Variants in PSD3 observed in about 807,000 individuals in gnomAD.
The protein encoded by PSD3 is PH and SEC7 domain-containing protein 3.
A neutral mutation model predicts 105.5 loss-of-function variants in PSD3; 49 were observed. The observed-to-expected ratio is 0.46, with a 90% CI of 0.37 to 0.59. The LOEUF is 0.59. Ranked by LOEUF, PSD3 falls within the 20% of genes least tolerant of loss-of-function variation. The pLI is 0.00. For missense variants in PSD3, 1,561 were observed against 1,263.8 expected, an observed-to-expected ratio of 1.24 and a Z score of -3.57; for synonymous variants, 557 against 457.8, an observed-to-expected ratio of 1.22 and a Z score of -2.77.
intron 9 of PSD3, among the ~76,000 whole-genome samples, chr8:18,752,778 C>T (rs942081057): frequency 3.5e-5 from 5 of 144,666 alleles, no homozygotes; most frequent in East Asian, 4.0e-4. Context: ...TTTCGAGATA[C>T]GATTTTGAGT....
chr8:18,849,673 T>C (rs1485969560), intron 4 of PSD3: 1 of 152,258 alleles, frequency 6.6e-6, no homozygotes, highest in Non-Finnish European at 1.5e-5. Context: ...CTATCAGCCA[T>C]GCCATCTATT....
At chr8:19,052,062 A>G (rs1563532076) in intron 1 of PSD3, among the ~76,000 whole-genome samples, 1 of 152,224 alleles carries the variant, frequency 6.6e-6, no homozygotes. Context: ...CAGGCTTTCC[A>G]TGGCAAGGTC....
chr8:18,994,562 A>G (rs1586596371), intron 1 of PSD3, among the ~76,000 whole-genome samples: 1 of 152,052 alleles, frequency 6.6e-6, no homozygotes. Context: ...AATATGGCAG[A>G]TGTGCTGTGA....
chr8:18,810,503 C>T (rs1357246789), intron 4 of PSD3, among the ~76,000 whole-genome samples: 1 of 151,950 alleles, frequency 6.6e-6, no homozygotes, highest in Non-Finnish European at 1.5e-5. Context: ...ATACTATTGC[C>T]CGTTTCATAC....
intron 8 of PSD3, among the ~76,000 whole-genome samples, chr8:18,787,680 T>G (rs1279230217): frequency 6.6e-6 from 1 of 152,170 alleles, no homozygotes; most frequent in Non-Finnish European, 1.5e-5. Context: ...AGCGACAATA[T>G]TACCATTTTC....
At chr8:18,804,999 A>C (rs2129447759) in intron 4 of PSD3, 101 bp from the exon 5 acceptor site, 3 of 1,006,914 alleles carry the variant, frequency 3.0e-6, no homozygotes, top group Non-Finnish European at 4.4e-6. Context: ...GTTCAGCTAC[A>C]CTTAGATGAG....
chr8:18,735,803 G>A (rs1433408005), intron 9 of PSD3, among the ~76,000 whole-genome samples: 1 of 152,090 alleles, frequency 6.6e-6, no homozygotes, highest in Admixed American at 6.5e-5. Context: ...ATTTTTCAGT[G>A]ACACAGCACC....
intron 15 of PSD3, among the ~76,000 whole-genome samples, chr8:18,536,312 A>C (rs990593529): frequency 6.6e-6 from 1 of 152,212 alleles, no homozygotes; most frequent in Non-Finnish European, 1.5e-5. Context: ...CGGCGGCTGC[A>C]TGGCTCTTGT....
intron 1 of PSD3, among the ~76,000 whole-genome samples, chr8:18,967,336 G>A (rs964587639): frequency 1.3e-5 from 2 of 151,954 alleles, no homozygotes; most frequent in African/African-American, 4.8e-5. Context: ...TGTATTTTTA[G>A]TAGAGACGGG....
At chr8:18,850,575 C>T (rs1404626970) in intron 4 of PSD3, among the ~76,000 whole-genome samples, 1 of 152,148 alleles carries the variant, frequency 6.6e-6, no homozygotes, top group Non-Finnish European at 1.5e-5. Context: ...CTCACTTGTC[C>T]TATGTTTTCT....
rs574147922 is a variant in PSD3, at chr8:18,854,417, T to C, written c.1634+13257A>G. The stretch of plus-strand genomic sequence containing the variant: ...AGTCCAGACCCAATGAAGTCACTCA[T>C]GACCTCACAAACCTCTAGTTTAACT... On this transcript the variant is annotated intron_variant, in intron 4 of 15. Transcript: ENST00000327040. 2.6e-5 allele frequency: 4 copies of C among 152,396 alleles called. No individual in the cohort carries two copies. In the South Asian group the frequency reaches 8.3e-4, roughly 32 times the overall value. 9.4% of individuals were successfully genotyped at this position (152,396 alleles called of 1,614,324 possible).
intron 4 of PSD3, among the ~76,000 whole-genome samples, chr8:18,853,435 C>T (rs564903275): frequency 2.6e-5 from 4 of 152,170 alleles, no homozygotes; most frequent in South Asian, 4.2e-4. Flanking sequence ...GGCTCAATTC[C>T]CCTTCTTTAG....
At chr8:18,675,439 A>C (rs1203906539) in intron 9 of PSD3, among the ~76,000 whole-genome samples, 5 of 152,214 alleles carry the variant, frequency 3.3e-5, no homozygotes, top group Non-Finnish European at 7.3e-5. Context: ...CCAGATTTGA[A>C]TGTGGCAGTA....
chr8:18,710,138 A>C (rs554092882), intron 9 of PSD3, among the ~76,000 whole-genome samples: 1 of 152,332 alleles, frequency 6.6e-6, no homozygotes, highest in South Asian at 2.1e-4. Context: ...ACCCGTTTAG[A>C]GAGGAACATA....
chr8:18,879,301 G>C (rs2410581), intron 2 of PSD3, among the ~76,000 whole-genome samples: 19,938 of 152,090 alleles, frequency 0.13, 1,425 homozygotes, highest in South Asian at 0.21. Context: ...CAGATAAGAG[G>C]GAGACAGGGC....
intron 1 of PSD3, among the ~76,000 whole-genome samples, chr8:18,969,658 T>C (rs1329175090): frequency 6.6e-6 from 1 of 152,224 alleles, no homozygotes; most frequent in African/African-American, 2.4e-5. Context: ...AGTATTCAAA[T>C]TACTATATGG....
intron 1 of PSD3, among the ~76,000 whole-genome samples, chr8:19,079,864 G>A (rs571816348): frequency 1.3e-5 from 2 of 151,382 alleles, no homozygotes; most frequent in South Asian, 4.2e-4. Context: ...TGAATCTTTA[G>A]AGATAAGCTG....
chr8:19,084,234 G>A (rs1433535541), exon 1 of PSD3: 2 of 447,868 alleles, frequency 4.5e-6, no homozygotes, highest in East Asian at 1.4e-4. Context: ...AGGCGGGGCT[G>A]GGCAGCCCTT....
chr8:18,665,011 T>C (rs1799367007), intron 9 of PSD3, among the ~76,000 whole-genome samples: 1 of 152,212 alleles, frequency 6.6e-6, no homozygotes, highest in Non-Finnish European at 1.5e-5. Flanking sequence ...GAGCACCTCG[T>C]CACCCAAGAA....
Sources: gnomAD v4.1 joint callset for allele counts (sites outside exome capture counted in the v4.1 genomes callset) on GRCh38, gnomAD v4.1.1 for gene constraint, MANE v1.5 for transcripts, NCBI Gene and HGNC (gene_info 2026-07-23, HGNC 2026-07-21) for gene names.